Variants in PSMF1 observed in about 807,000 individuals in gnomAD.
PSMF1 encodes the protein proteasome inhibitor subunit 1, also known as proteasome inhibitor PI31 subunit.
PSMF1 carries 30 observed loss-of-function variants against 29.3 expected under a neutral mutation model. The ratio of observed to expected loss-of-function variants is 1.02; its 90% CI spans 0.77 to 1.39. PSMF1 has a LOEUF of 1.39. Among genes scored for constraint, PSMF1 ranks in the 40% most tolerant of loss-of-function variants. The pLI is 0.00. For synonymous variants in PSMF1, 134 were observed against 139.7 expected, an observed-to-expected ratio of 0.96 and a Z score of 0.29; for missense variants, 344 against 357.5, an observed-to-expected ratio of 0.96 and a Z score of 0.31.
At chr20:1,154,473 CACA>C (rs746807018) in intron 4 of PSMF1, among the ~76,000 whole-genome samples, 10 of 152,182 alleles carry the variant, frequency 6.6e-5, no homozygotes, top group Non-Finnish European at 1.2e-4. Context: ...TGCATATGTA[CACA>C]TATACTTCTT....
chr20:1,164,613 C>T lies in PSMF1; in HGVS notation c.764+137C>T. 8.4e-7 allele frequency: 1 copy of T among 1,187,770 alleles called. No homozygotes were observed. The highest frequency in any genetic ancestry group is 1.2e-6 in the Non-Finnish European group (1 of 850,700). The allele number at this position is 1,187,770 out of a possible 1,614,324, so 73.6% of individuals were successfully genotyped here. On this transcript the variant is annotated intron_variant, in intron 6 of 6. Coordinates refer to ENST00000335877, the MANE Select transcript of PSMF1 (RefSeq NM_006814.5). This position sits in a 1 kb window ranked among gnomAD's most constrained non-coding sequence, Gnocchi z 4.1. ...GTTGCTGCCAGGAGAGTGGAGCCTC[C>T]TCCAGGGCCCTGCCTGATTTCTCCC...
intron 4 of PSMF1, among the ~76,000 whole-genome samples, chr20:1,158,596 TAAGG>T (rs777086090): frequency 2.6e-5 from 4 of 152,160 alleles, no homozygotes; most frequent in Non-Finnish European, 4.4e-5. Context: ...GAGAAGCACA[TAAGG>T]AAGAAATCAT....
At chr20:1,121,717 G>A (rs980865288) in intron 1 of PSMF1, among the ~76,000 whole-genome samples, 1 of 152,172 alleles carries the variant, frequency 6.6e-6, no homozygotes, top group African/African-American at 2.4e-5. Flanking sequence ...TAGATTGTCT[G>A]CTTTCTCTTA....
intron 1 of PSMF1, among the ~76,000 whole-genome samples, chr20:1,122,295 C>CTTTT (rs144183769): frequency 7.6e-6 from 1 of 131,638 alleles, no homozygotes; most frequent in Non-Finnish European, 1.6e-5. Context: ...TTTTTCTTTT[C>CTTTT]TTTTTTTTTT....
Position 1,166,015 on chromosome 20 carries a change from A to C in PSMF1, c.*935A>C, listed in dbSNP as rs868133538. 1.1e-5 allele frequency: 16 copies of C among 1,431,634 alleles called. No homozygotes were observed. The Middle Eastern group carries it at 1.0e-3, about 93-fold the overall frequency. The allele number at this position is 1,431,634 out of a possible 1,614,324, so 88.7% of individuals were successfully genotyped here. A position where few individuals can be genotyped will look rare whatever the true frequency, so the allele number is the denominator to read the frequency against. The stretch of plus-strand genomic sequence containing the variant: ...TTTGGTAACCCCTATAAACTGGGGC[A>C]GAGGAAAAGAATGATGGTTCAAGGC... On this transcript the variant is annotated 3_prime_UTR_variant, in exon 7 of 7. Coordinates refer to ENST00000335877, the MANE Select transcript of PSMF1 (RefSeq NM_006814.5).
intron 4 of PSMF1, among the ~76,000 whole-genome samples, chr20:1,137,366 G>A (rs1600153115): frequency 6.6e-6 from 1 of 152,310 alleles, no homozygotes; most frequent in Non-Finnish European, 1.5e-5. Flanking sequence ...TATATTAGGT[G>A]GATCTGGCGA....
At position 1,170,029 on chromosome 20, in the gene PSMF1, G is replaced by A. The variant is rs1401474903; in HGVS notation, c.*4949G>A. 1.3e-5 allele frequency among the ~76,000 whole-genome samples: 2 copies of A among 152,142 alleles called. No individual in the cohort carries two copies. The highest frequency in any genetic ancestry group is 4.8e-5 in the African/African-American group (2 of 41,422). On this transcript the variant is annotated 3_prime_UTR_variant, in exon 7 of 7. Coordinates refer to ENST00000335877, the MANE Select transcript of PSMF1 (RefSeq NM_006814.5). ...TGCTGGGCCCCAATCTAGATCTCAA[G>A]GGAACGGCCTTCAGATCCATTTTTG...
intron 1 of PSMF1, among the ~76,000 whole-genome samples, chr20:1,124,172 G>A (rs1459864510): frequency 3.3e-5 from 5 of 152,096 alleles, no homozygotes; most frequent in Admixed American, 3.3e-4. Flanking sequence ...AGTGTCAAAG[G>A]CAGCATTTTC....
At chr20:1,147,619 T>C (rs2086470632) in intron 4 of PSMF1, among the ~76,000 whole-genome samples, 1 of 152,170 alleles carries the variant, frequency 6.6e-6, no homozygotes. Context: ...GCAGAATGTT[T>C]AGGAGGCTTT....
intron 1 of PSMF1, among the ~76,000 whole-genome samples, chr20:1,119,552 G>A (rs2086057639): frequency 6.6e-6 from 1 of 152,112 alleles, no homozygotes; most frequent in Non-Finnish European, 1.5e-5. Flanking sequence ...TACACCCTGG[G>A]TGTGAGGGTC....
intron 3 of PSMF1, among the ~76,000 whole-genome samples, chr20:1,130,984 C>G (rs1337263140): frequency 6.6e-6 from 1 of 152,174 alleles, no homozygotes; most frequent in East Asian, 1.9e-4. Flanking sequence ...ATGCAATAGA[C>G]AAAGGGAGGG....
In PSMF1 at chr20:1,154,832, C is replaced by T. The variant is rs756063685; in HGVS notation, c.552-8298C>T. ...TAGGTTGTTGATACTAGTTGTGCCA[C>T]GAAACCACAGCTGGCACTCCAGAAG... On this transcript the variant is annotated intron_variant, in intron 4 of 6. Transcript: ENST00000335877. Among the ~76,000 whole-genome samples, 249 of 152,262 alleles carry T rather than the reference C, an allele frequency of 1.6e-3. 2 individuals are homozygous for T. Among genetic ancestry groups the T allele is most frequent in the Non-Finnish European group, 1.8e-3 (122 of 68,024 alleles).
At chr20:1,139,857 A>G (rs2086359434) in intron 4 of PSMF1, among the ~76,000 whole-genome samples, 1 of 152,254 alleles carries the variant, frequency 6.6e-6, no homozygotes, top group Non-Finnish European at 1.5e-5. Context: ...TATAATACGT[A>G]AAAATAAATT....
At chr20:1,129,524 T>G (rs2086201940) in intron 3 of PSMF1, among the ~76,000 whole-genome samples, 1 of 152,206 alleles carries the variant, frequency 6.6e-6, no homozygotes, top group Non-Finnish European at 1.5e-5. Flanking sequence ...CTTTTACATA[T>G]TCCCCTCCTG....
rs778485643 is a variant in PSMF1, at chr20:1,125,516, A to T, written c.148A>T (p.Lys50Ter). The T allele has an allele frequency of 4.1e-5, 66 of 1,610,286 alleles. No individual in the cohort carries two copies. The highest frequency in any genetic ancestry group is 5.2e-5 in the Non-Finnish European group (61 of 1,178,414). ...TTCCCAGCCGGGTCCCAATGATAAG[A>T]AGTCAGAACTGCTGCCAGCTGGGTG... The part of the protein sequence containing the change: ...VGDQPGPNDK[K>*]SELLPAGWNN... The change falls in exon 2 of 7, where the codon AAG (lysine) becomes TAG (stop). Residue 50 changes from lysine to a stop codon, truncating the protein, a stop_gained. Coordinates refer to ENST00000335877, the MANE Select transcript of PSMF1 (RefSeq NM_006814.5). LOFTEE classifies it high-confidence loss of function.
At chr20:1,121,331 TG>T (rs2086084548) in intron 1 of PSMF1, among the ~76,000 whole-genome samples, 3 of 152,076 alleles carry the variant, frequency 2.0e-5, no homozygotes, top group Admixed American at 1.3e-4. Context: ...CACTAAATCT[TG>T]CATGCCCCCG....
chr20:1,161,977 A>G (rs771858380), intron 4 of PSMF1, among the ~76,000 whole-genome samples: 13 of 152,166 alleles, frequency 8.5e-5, no homozygotes, highest in Non-Finnish European at 1.6e-4. Context: ...TGGTCACTTC[A>G]TGGCTGAGGT....
At chr20:1,115,224 C>T (rs575136419), upstream of PSMF1, among the ~76,000 whole-genome samples, 138 of 105,632 alleles carry the variant, frequency 1.3e-3, no homozygotes, top group Non-Finnish European at 2.1e-3. Context: ...AGCTGTCTGC[C>T]CTGTAAGATG....
chr20:1,120,799 A>C (rs1568462363), intron 1 of PSMF1, among the ~76,000 whole-genome samples: 1 of 151,858 alleles, frequency 6.6e-6, no homozygotes, highest in Non-Finnish European at 1.5e-5. Flanking sequence ...GTCCCTCCTC[A>C]TGTACCTCAC....
Sources: allele counts gnomAD v4.1 joint callset (sites outside exome capture counted in the v4.1 genomes callset), GRCh38; gene constraint gnomAD v4.1.1; non-coding constraint Gnocchi (gnomAD v3.1); transcripts MANE v1.5; gene names NCBI Gene and HGNC (gene_info 2026-07-23, HGNC 2026-07-21).